The following MARCHF8 variants were observed in gnomAD, a reference collection of about 807,000 sequenced individuals.
MARCHF8 encodes E3 ubiquitin-protein ligase MARCHF8.
MARCHF8 carries 40 observed loss-of-function variants against 51.6 expected under a neutral mutation model. The observed-to-expected ratio is 0.77, with a 90% CI of 0.60 to 1.01. The LOEUF is 1.01. Among genes scored for constraint, MARCHF8 ranks in the 50% least tolerant of loss-of-function variants. The pLI is 0.00. For synonymous variants in MARCHF8, 263 were observed against 280.3 expected (o/e 0.94, Z 0.62); for missense variants, 685 against 708.6 (o/e 0.97, Z 0.38).
At chr10:45,574,877 GCC>G in intron 1 of MARCHF8, among the ~76,000 whole-genome samples, 1 of 149,932 alleles carries the variant, frequency 6.7e-6, no homozygotes, top group Non-Finnish European at 1.5e-5. Context: ...CTTAACTTGA[GCC>G]CTCACTCTTC....
intron 1 of MARCHF8, among the ~76,000 whole-genome samples, chr10:45,534,399 C>G (rs1450287965): frequency 6.6e-6 from 1 of 152,068 alleles, no homozygotes; most frequent in Admixed American, 6.6e-5. Flanking sequence ...GGTAAAATAA[C>G]AGTGTATGCA....
intron 1 of MARCHF8, among the ~76,000 whole-genome samples, chr10:45,573,988 T>C (rs112297763): frequency 0.065 from 9,961 of 152,210 alleles, 367 homozygotes; most frequent in East Asian, 0.1. Context: ...ACTAAATTAT[T>C]TGCTTCCCTG....
chr10:45,522,782 C>A (rs1003923577), intron 2 of MARCHF8, among the ~76,000 whole-genome samples: 4 of 152,094 alleles, frequency 2.6e-5, no homozygotes, highest in African/African-American at 4.8e-5. Context: ...GAAAAACACA[C>A]AAATTCGGCA....
chr10:45,483,179 A>C (rs1232714078), intron 3 of MARCHF8, among the ~76,000 whole-genome samples: 1 of 152,246 alleles, frequency 6.6e-6, no homozygotes, highest in African/African-American at 2.4e-5. Flanking sequence ...ACAGCATAGG[A>C]AACAATCAAC....
rs140989641 is a variant in MARCHF8, at chr10:45,533,151, C to G, written c.61G>C (p.Val21Leu). ...IPSQDAISAR[V>L]YRSKTKEKER... ...TTTTCTTTGGTCTTACTTCTGTAGA[C>G]TCTAGCAGAGATGGCATCCTGGGAT... Residue 21 changes from valine (V) to leucine (L), a missense_variant, in exon 2 of 8, where the codon GTC (valine) becomes CTC (leucine). Val to Leu is a conservative substitution (Grantham distance 32). Transcript: ENST00000453424. The G allele has an allele frequency of 2.1e-4, 339 of 1,613,060 alleles. 1 individual carries two copies. The African/African-American group carries it at 4.0e-3, about 19-fold the overall frequency.
chr10:45,515,854 T>C (rs1382137075), intron 2 of MARCHF8, among the ~76,000 whole-genome samples: 1 of 152,228 alleles, frequency 6.6e-6, no homozygotes, highest in Non-Finnish European at 1.5e-5. Flanking sequence ...CAGTTCATGG[T>C]GTGTGGTAAA....
chr10:45,584,239 A>C (rs1219645104), intron 1 of MARCHF8, among the ~76,000 whole-genome samples: 3 of 149,112 alleles, frequency 2.0e-5, no homozygotes, highest in Non-Finnish European at 4.4e-5. Context: ...AGAATGAACA[A>C]ATTGTGATCT....
intron 1 of MARCHF8, among the ~76,000 whole-genome samples, chr10:45,577,446 A>G (rs2044503064): frequency 1.3e-5 from 2 of 152,184 alleles, no homozygotes; most frequent in Admixed American, 6.5e-5. Context: ...ATTATTTCAC[A>G]TTGCATGCCT....
At chr10:45,554,432 T>G (rs1286718878) in intron 1 of MARCHF8, among the ~76,000 whole-genome samples, 2 of 152,232 alleles carry the variant, frequency 1.3e-5, no homozygotes, top group Non-Finnish European at 2.9e-5. Flanking sequence ...GTTTCCAGAC[T>G]GTGGTCACTA....
At chr10:45,505,816 T>C (rs2043369891) in intron 2 of MARCHF8, among the ~76,000 whole-genome samples, 1 of 152,224 alleles carries the variant, frequency 6.6e-6, no homozygotes, top group Non-Finnish European at 1.5e-5. Flanking sequence ...TGTCTATTTG[T>C]CTGTTCTCAC....
At chr10:45,530,212 G>A (rs1020790807) in intron 2 of MARCHF8, among the ~76,000 whole-genome samples, 1 of 152,136 alleles carries the variant, frequency 6.6e-6, no homozygotes, top group East Asian at 1.9e-4. Flanking sequence ...CTCACTTACA[G>A]GTGGGAGCTG....
At chr10:45,580,750 C>T (rs2044545691) in intron 1 of MARCHF8, among the ~76,000 whole-genome samples, 1 of 152,154 alleles carries the variant, frequency 6.6e-6, no homozygotes, top group African/African-American at 2.4e-5. Context: ...AGGCTTGAGA[C>T]AATATAAAGA....
intron 3 of MARCHF8, among the ~76,000 whole-genome samples, chr10:45,488,304 C>A (rs2043020409): frequency 6.6e-6 from 1 of 152,086 alleles, no homozygotes; most frequent in Non-Finnish European, 1.5e-5. Context: ...TGCCTTCCTG[C>A]TGAAAATGGT....
intron 3 of MARCHF8, among the ~76,000 whole-genome samples, chr10:45,485,420 G>A (rs2042962187): frequency 6.6e-6 from 1 of 152,188 alleles, no homozygotes; most frequent in Admixed American, 6.5e-5. Flanking sequence ...TACAAAATAA[G>A]TATTGGGTGA....
chr10:45,552,151 T>C (rs1394257463), intron 1 of MARCHF8, among the ~76,000 whole-genome samples: 2 of 152,152 alleles, frequency 1.3e-5, no homozygotes, highest in Admixed American at 6.6e-5. Flanking sequence ...TTTCCTAACC[T>C]TTCTGCACCA....
chr10:45,485,902 T>G (rs1564478409), intron 3 of MARCHF8, among the ~76,000 whole-genome samples: 1 of 152,150 alleles, frequency 6.6e-6, no homozygotes. Flanking sequence ...TCTGCTATAC[T>G]GAAGATACGA....
chr10:45,557,201 C>A (rs2044261917), intron 1 of MARCHF8, among the ~76,000 whole-genome samples: 1 of 143,668 alleles, frequency 7.0e-6, no homozygotes. Flanking sequence ...AATCTCGGCT[C>A]ACTGCAACCT....
chr10:45,476,847 T>C (rs891662451), intron 3 of MARCHF8, among the ~76,000 whole-genome samples: 2 of 152,090 alleles, frequency 1.3e-5, no homozygotes, highest in Non-Finnish European at 2.9e-5. Context: ...GAACAAAGCA[T>C]ACATGACATA....
chr10:45,464,033 A>G, intron 4 of MARCHF8, 37 bp from the exon 5 acceptor site: 2 of 1,508,804 alleles, frequency 1.3e-6, no homozygotes, highest in Non-Finnish European at 1.8e-6. Context: ...CACAGAAAGT[A>G]AAAACAATTT....
Sources: gnomAD v4.1 joint callset for allele counts (sites outside exome capture counted in the v4.1 genomes callset) on GRCh38, gnomAD v4.1.1 for gene constraint, MANE v1.5 for transcripts, NCBI Gene and HGNC (gene_info 2026-07-23, HGNC 2026-07-21) for gene names.